The following WWOX variants were observed in gnomAD, a reference collection of about 807,000 sequenced individuals.
The protein encoded by WWOX is WW domain-containing oxidoreductase.
Under a neutral mutation model 46.2 loss-of-function variants are expected in WWOX, and 69 were observed. The ratio of observed to expected loss-of-function variants is 1.49; its 90% CI spans 1.23 to 1.82. The LOEUF (loss-of-function observed/expected upper bound fraction) is 1.82, where lower values mean the gene tolerates loss of function less well. Ranked by LOEUF, WWOX falls within the 40% of genes most tolerant of loss-of-function variation. The pLI is 0.00. For synonymous variants in WWOX, 359 were observed against 202.6 expected (o/e 1.77, Z -6.56); for missense variants, 919 against 542.6 (o/e 1.69, Z -6.89).
At chr16:78,731,454 T>A (rs889778408) in intron 8 of WWOX, among the ~76,000 whole-genome samples, 1 of 152,054 alleles carries the variant, frequency 6.6e-6, no homozygotes. Flanking sequence ...TGTTTCAACA[T>A]AGACTTGTTA....
chr16:78,302,222 A>G (rs564750982), intron 5 of WWOX, among the ~76,000 whole-genome samples: 4 of 152,126 alleles, frequency 2.6e-5, no homozygotes, highest in African/African-American at 9.7e-5. Flanking sequence ...TGGCCTCCCA[A>G]AGTGCTGGGG....
intron 8 of WWOX, among the ~76,000 whole-genome samples, chr16:78,848,812 C>A (rs955428284): frequency 4.0e-5 from 6 of 151,238 alleles, no homozygotes; most frequent in Admixed American, 3.3e-4. Context: ...TTTTTTTTAA[C>A]CTCCTCTGAG....
intron 8 of WWOX, among the ~76,000 whole-genome samples, chr16:78,829,191 T>C (rs2151155306): frequency 6.6e-6 from 1 of 152,214 alleles, no homozygotes; most frequent in South Asian, 2.1e-4. Flanking sequence ...TAGAGATTTT[T>C]AGGAACTGGC....
intron 8 of WWOX, among the ~76,000 whole-genome samples, chr16:78,837,440 A>G (rs960702353): frequency 4.6e-5 from 7 of 152,342 alleles, no homozygotes; most frequent in Admixed American, 6.5e-5. Context: ...ACCAAAAGCA[A>G]TTTAAGTCAA....
chr16:78,977,304 A>G (rs899904189), intron 8 of WWOX, among the ~76,000 whole-genome samples: 10 of 152,200 alleles, frequency 6.6e-5, no homozygotes, highest in Non-Finnish European at 1.2e-4. Context: ...GGCCTCCCAC[A>G]GGGAAGCAGA....
chr16:78,612,888 C>T (rs2550581), intron 8 of WWOX, among the ~76,000 whole-genome samples: 1 of 152,030 alleles, frequency 6.6e-6, no homozygotes, highest in South Asian at 2.1e-4. Context: ...CTTAGGGTAA[C>T]ATGAGTGCTC....
At chr16:78,152,083 G>C (rs917932585) in intron 4 of WWOX, among the ~76,000 whole-genome samples, 3 of 152,066 alleles carry the variant, frequency 2.0e-5, no homozygotes, top group Admixed American at 6.5e-5. Context: ...CCAGCTACTC[G>C]GGAGGCTGAG....
chr16:78,730,510 G>A (rs770313612), intron 8 of WWOX, among the ~76,000 whole-genome samples: 4 of 151,916 alleles, frequency 2.6e-5, no homozygotes, highest in Non-Finnish European at 4.4e-5. Flanking sequence ...GGAGTGCGAT[G>A]GCACCATCTG....
chr16:79,056,886 G>C (rs1467635790), intron 8 of WWOX, among the ~76,000 whole-genome samples: 1 of 152,160 alleles, frequency 6.6e-6, no homozygotes, highest in Non-Finnish European at 1.5e-5. Context: ...AGGCAGGCTG[G>C]GCACTTCAAA....
chr16:79,125,646 A>G (rs1567566862), intron 8 of WWOX, among the ~76,000 whole-genome samples: 1 of 152,164 alleles, frequency 6.6e-6, no homozygotes, highest in African/African-American at 2.4e-5. Flanking sequence ...GTTCTGGGCC[A>G]TAACTCTAGA....
At chr16:78,956,407 G>T (rs932917277) in intron 8 of WWOX, among the ~76,000 whole-genome samples, 3 of 151,772 alleles carry the variant, frequency 2.0e-5, no homozygotes, top group African/African-American at 7.3e-5. Context: ...CGCCCATCTC[G>T]GCCTCCCCAA....
chr16:78,653,271 G>A (rs1200470118), intron 8 of WWOX, among the ~76,000 whole-genome samples: 2 of 152,090 alleles, frequency 1.3e-5, no homozygotes, highest in Admixed American at 6.5e-5. Flanking sequence ...ATTCCCTAGT[G>A]TTGGATAGCT....
At chr16:78,836,090 C>G (rs186318717) in intron 8 of WWOX, among the ~76,000 whole-genome samples, 75 of 152,218 alleles carry the variant, frequency 4.9e-4, no homozygotes, top group African/African-American at 1.7e-3. Context: ...AGAAAGTGAC[C>G]TTGTATGCAC....
chr16:78,638,875 G>A (rs1024420589), intron 8 of WWOX, among the ~76,000 whole-genome samples: 1 of 152,020 alleles, frequency 6.6e-6, no homozygotes, highest in African/African-American at 2.4e-5. Flanking sequence ...CTATTTGCAA[G>A]CTTTAGTCCT....
intron 8 of WWOX, among the ~76,000 whole-genome samples, chr16:79,018,163 C>T (rs374958640): frequency 2.1e-4 from 32 of 152,266 alleles, no homozygotes; most frequent in South Asian, 1.0e-3. Context: ...AAACACGGTA[C>T]TGAAATTTGA....
intron 8 of WWOX, among the ~76,000 whole-genome samples, chr16:78,858,362 G>A (rs920911333): frequency 1.1e-4 from 16 of 151,878 alleles, no homozygotes; most frequent in African/African-American, 3.9e-4. Context: ...ATATATATGT[G>A]TGTGTATGTA....
In WWOX at chr16:78,115,082, G is replaced by T. The variant is rs1361349436; in HGVS notation, c.337G>T (p.Ala113Ser). Residue 113 changes from alanine (A) to serine (S), a missense_variant, in exon 4 of 9, where the codon GCC becomes TCC. Physicochemically the swap from Ala to Ser is moderately conservative, Grantham distance 99 (BLOSUM62 1). Coordinates refer to ENST00000566780, the MANE Select transcript of WWOX (RefSeq NM_016373.4). Reference sequence around the variant, plus strand: ...GCAAAGATACGACGGCAGCACCACTGCCATGGAAATTCTCCAGGGCCGGGA... The same window carrying T: ...GCAAAGATACGACGGCAGCACCACTTCCATGGAAATTCTCCAGGGCCGGGA... The part of the protein sequence containing the change: ...TRQRYDGSTT[A>S]MEILQGRDFT... The T allele has an allele frequency of 6.8e-6, 11 of 1,614,174 alleles. No individual in the cohort carries two copies. In the East Asian group the frequency reaches 2.0e-4, roughly 29 times the overall value.
At chr16:78,742,209 G>C (rs1467341832) in intron 8 of WWOX, among the ~76,000 whole-genome samples, 2 of 152,308 alleles carry the variant, frequency 1.3e-5, no homozygotes, top group Admixed American at 6.5e-5. Flanking sequence ...ACAAATACTA[G>C]GGGTGAGTGT....
chr16:78,424,174 G>A (rs1192317931), intron 6 of WWOX, among the ~76,000 whole-genome samples: 1 of 139,446 alleles, frequency 7.2e-6, no homozygotes, highest in African/African-American at 2.7e-5. Context: ...CTGGAGTGCA[G>A]TGGCATGATC....
Sources: gnomAD v4.1 joint callset for allele counts (sites outside exome capture counted in the v4.1 genomes callset) on GRCh38, gnomAD v4.1.1 for gene constraint, MANE v1.5 for transcripts, NCBI Gene and HGNC (gene_info 2026-07-23, HGNC 2026-07-21) for gene names.